Variants in S100A8 observed in about 807,000 individuals in gnomAD.
The protein encoded by S100A8 is S100 calcium binding protein A8, also known as protein S100-A8.
A neutral mutation model predicts 4.2 loss-of-function variants in S100A8; 1 was observed. The ratio of observed to expected loss-of-function variants is 0.24; its 90% CI spans 0.08 to 1.12. The LOEUF is 1.12. Ranked by LOEUF, S100A8 falls within the 50% of genes most tolerant of loss-of-function variation. S100A8 has a pLI of 0.53. For missense variants in S100A8, 96 were observed against 111.8 expected, an observed-to-expected ratio of 0.86 and a Z score of 0.64; for synonymous variants, 41 against 44.7, an observed-to-expected ratio of 0.92 and a Z score of 0.33.
upstream of S100A8, among the ~76,000 whole-genome samples, chr1:153,394,742 C>A (rs1219991865): frequency 6.6e-6 from 1 of 152,174 alleles, no homozygotes; most frequent in African/African-American, 2.4e-5. Flanking sequence ...GCCCCAGAGC[C>A]TGACTGATGA....
chr1:153,392,386 G>T (rs1434974033), upstream of S100A8, among the ~76,000 whole-genome samples: 3 of 152,162 alleles, frequency 2.0e-5, no homozygotes, highest in Non-Finnish European at 1.5e-5. Flanking sequence ...ACTGTTAGTG[G>T]GAATGTAAAA....
chr1:153,390,795 T>C, intron 1 of S100A8: 1 of 564,310 alleles, frequency 1.8e-6, no homozygotes, highest in South Asian at 2.7e-5. Context: ...GCCCGTAGAC[T>C]TTCCTTACCA....
At chr1:153,411,758 A>G in the S100A8 span, among the ~76,000 whole-genome samples, 2 of 152,264 alleles carry the variant, frequency 1.3e-5, no homozygotes, top group Non-Finnish European at 2.9e-5. Context: ...TAATCAAAAC[A>G]GCATGGTACT....
chr1:153,390,761 C>T, intron 1 of S100A8: 1 of 659,044 alleles, frequency 1.5e-6, no homozygotes. Flanking sequence ...TCCATTCACA[C>T]AGAGACATGT....
At chr1:153,413,098 C>T in the S100A8 span, among the ~76,000 whole-genome samples, 30 of 152,170 alleles carry the variant, frequency 2.0e-4, 1 homozygote, top group South Asian at 3.3e-3. Flanking sequence ...CAAGACTGCA[C>T]GCTGTGCACA....
the S100A8 span, chr1:153,419,190 G>T: frequency 5.0e-6 from 8 of 1,614,046 alleles, no homozygotes; most frequent in Non-Finnish European, 5.9e-6. Context: ...TGAGAAAAAG[G>T]ACAAGAATGA....
chr1:153,404,253 C>T, the S100A8 span, among the ~76,000 whole-genome samples: 6 of 150,834 alleles, frequency 4.0e-5, no homozygotes, highest in Admixed American at 1.3e-4. Context: ...ATGGCAGTCA[C>T]TTCATTTAGG....
At chr1:153,419,230 T>C in the S100A8 span, 1 of 1,614,238 alleles carries the variant, frequency 6.2e-7, no homozygotes, top group Non-Finnish European at 8.5e-7. Flanking sequence ...TCTGAGTTTC[T>C]GTCCTTGCTG....
At chr1:153,417,511 C>T in the S100A8 span, among the ~76,000 whole-genome samples, 20 of 152,186 alleles carry the variant, frequency 1.3e-4, no homozygotes, top group African/African-American at 1.9e-4. Context: ...TGCTCACACT[C>T]ATGTCCACGC....
chr1:153,390,333 G>T, intron 2 of S100A8, 62 bp downstream of exon 2: 1 of 1,602,094 alleles, frequency 6.2e-7, no homozygotes, highest in Non-Finnish European at 8.5e-7. Context: ...AGGGAGGACC[G>T]CTGGCCCAGG....
At chr1:153,408,742 C>T in the S100A8 span, among the ~76,000 whole-genome samples, 10 of 152,166 alleles carry the variant, frequency 6.6e-5, no homozygotes, top group Non-Finnish European at 1.3e-4. Context: ...CTCAGGGTAC[C>T]CACAAAGGGA....
At chr1:153,400,744 C>A in the S100A8 span, among the ~76,000 whole-genome samples, 65 of 152,284 alleles carry the variant, frequency 4.3e-4, no homozygotes, top group African/African-American at 1.5e-3. Context: ...GTATCGAATT[C>A]TTTGGTTCAG....
At chr1:153,416,272 G>A in the S100A8 span, among the ~76,000 whole-genome samples, 1 of 152,280 alleles carries the variant, frequency 6.6e-6, no homozygotes, top group South Asian at 2.1e-4. Flanking sequence ...TACTACACAT[G>A]TACCGCTGCC....
At chr1:153,416,531 T>G in the S100A8 span, 1 of 492,384 alleles carries the variant, frequency 2.0e-6, no homozygotes, top group Non-Finnish European at 4.0e-6. Flanking sequence ...CACATCTCAC[T>G]CATCCTTCTA....
chr1:153,397,060 A>G, the S100A8 span, among the ~76,000 whole-genome samples: 1 of 152,254 alleles, frequency 6.6e-6, no homozygotes, highest in Non-Finnish European at 1.5e-5. Context: ...GTGCCCGAGA[A>G]GCACTAGCAT....
At chr1:153,392,500 T>C (rs886648436), upstream of S100A8, among the ~76,000 whole-genome samples, 2 of 152,222 alleles carry the variant, frequency 1.3e-5, no homozygotes, top group Non-Finnish European at 2.9e-5. Context: ...TGCAAAAGAA[T>C]TGAATGCAGG....
chr1:153,404,106 C>A, the S100A8 span, among the ~76,000 whole-genome samples: 1 of 152,156 alleles, frequency 6.6e-6, no homozygotes, highest in African/African-American at 2.4e-5. Flanking sequence ...TCAGGAAAAG[C>A]CACGTGGAAG....
the S100A8 span, among the ~76,000 whole-genome samples, chr1:153,402,873 C>G: frequency 5.3e-5 from 8 of 152,172 alleles, no homozygotes; most frequent in East Asian, 3.8e-4. Context: ...TTTATCATAA[C>G]AGCTCCGGTA....
chr1:153,390,694 T>C (rs1662072595), intron 1 of S100A8, 137 bp from the exon 2 acceptor site: 9 of 1,096,796 alleles, frequency 8.2e-6, no homozygotes. Flanking sequence ...AGCAGATGGC[T>C]ATGGCTCTGG....
Sources: gnomAD v4.1 joint callset for allele counts (sites outside exome capture counted in the v4.1 genomes callset) on GRCh38, gnomAD v4.1.1 for gene constraint, MANE v1.5 for transcripts, NCBI Gene and HGNC (gene_info 2026-07-23, HGNC 2026-07-21) for gene names.